The following SP6 variants were observed in gnomAD, a reference collection of about 807,000 sequenced individuals.
The protein encoded by SP6 is transcription factor Sp6.
SP6 carries 10 observed loss-of-function variants against 23.4 expected under a neutral mutation model. The observed-to-expected ratio is 0.43, with a 90% confidence interval of 0.26 to 0.72. SP6 has a LOEUF of 0.72. Ranked by LOEUF, SP6 falls within the 30% of genes least tolerant of loss-of-function variation. The pLI is 0.23. For synonymous variants in SP6, 238 were observed against 238.7 expected, an observed-to-expected ratio of 1.00 and a Z score of 0.03; for missense variants, 482 against 523.8, an observed-to-expected ratio of 0.92 and a Z score of 0.78.
At chr17:47,863,468 A>C in the SP6 span, 5 of 152,052 alleles carry the variant, frequency 3.3e-5, no homozygotes, top group Non-Finnish European at 5.9e-5. Flanking sequence ...TGAAGGAAGG[A>C]AGGGAAGAAA....
At chr17:47,849,043 A>G (rs1211321213) in intron 1 of SP6, among the ~76,000 whole-genome samples, 1 of 152,164 alleles carries the variant, frequency 6.6e-6, no homozygotes, top group Non-Finnish European at 1.5e-5. Flanking sequence ...TTCAGTAATG[A>G]AAAGCATTTC....
At chr17:47,861,889 T>C in the SP6 span, among the ~76,000 whole-genome samples, 1 of 150,664 alleles carries the variant, frequency 6.6e-6, no homozygotes, top group Non-Finnish European at 1.5e-5. Flanking sequence ...CTACAAAAAG[T>C]ACAAAAATTA....
At chr17:47,869,897 A>G in the SP6 span, among the ~76,000 whole-genome samples, 7 of 152,362 alleles carry the variant, frequency 4.6e-5, no homozygotes, top group Admixed American at 1.3e-4. Flanking sequence ...TCATAGTTCA[A>G]TAAACATTTA....
chr17:47,866,587 G>A, the SP6 span, among the ~76,000 whole-genome samples: 7 of 152,224 alleles, frequency 4.6e-5, no homozygotes, highest in Admixed American at 4.6e-4. Flanking sequence ...TTGGGGATTG[G>A]CTGCCGGACC....
At chr17:47,865,512 C>G in the SP6 span, among the ~76,000 whole-genome samples, 1 of 152,096 alleles carries the variant, frequency 6.6e-6, no homozygotes, top group Non-Finnish European at 1.5e-5. Context: ...GAAGGCTCCA[C>G]CTCCCCCCTC....
At chr17:47,853,191 C>T (rs2033974679), upstream of SP6, among the ~76,000 whole-genome samples, 1 of 152,214 alleles carries the variant, frequency 6.6e-6, no homozygotes, top group South Asian at 2.1e-4. Flanking sequence ...GATTTCTGAT[C>T]AGTCGGGGTT....
rs1197998001 is a variant in SP6, at chr17:47,846,204, A to G, written c.*1095T>C. On this transcript the variant is annotated 3_prime_UTR_variant, in exon 2 of 2. Transcript: ENST00000536300. ...AAGACAAGGGCCAAGCTAGAGAGAC[A>G]GTGGGGTTTATTTTCTTGGTGACAG... 6.6e-6 allele frequency: 1 copy of G among 152,178 alleles called. No homozygotes were observed. Among genetic ancestry groups the G allele is most frequent in the Non-Finnish European group, 1.5e-5 (1 of 68,046 alleles). The allele number at this position is 152,178 out of a possible 1,614,324, so 9.4% of individuals were successfully genotyped here. A position where few individuals can be genotyped will look rare whatever the true frequency, so the allele number is the denominator to read the frequency against.
rs906786361 is a variant in SP6, at chr17:47,848,622, A to G, written c.-57-136T>C. 1.8e-6 allele frequency: 1 copy of G among 550,666 alleles called. No individual in the cohort carries two copies. The highest frequency in any genetic ancestry group is 3.1e-5 in the East Asian group (1 of 32,048). The allele number at this position is 550,666 out of a possible 1,614,324, so 34.1% of individuals were successfully genotyped here. On this transcript the variant is annotated intron_variant, in intron 1 of 1. Coordinates refer to ENST00000536300, the MANE Select transcript of SP6 (RefSeq NM_001258248.2). The surrounding 1 kb of genome is among the most constrained non-coding windows in gnomAD (Gnocchi z 5.3). Reference sequence around the variant, plus strand: ...CGAGGACTAGAGATGAGTTTAGAGAATTCGGGAGTGCGAGGAAGGGTCCAA... The same window carrying G: ...CGAGGACTAGAGATGAGTTTAGAGAGTTCGGGAGTGCGAGGAAGGGTCCAA...
At chr17:47,860,304 T>C (rs1342578299), upstream of SP6, among the ~76,000 whole-genome samples, 3 of 152,250 alleles carry the variant, frequency 2.0e-5, no homozygotes, top group Admixed American at 6.5e-5. Context: ...CTCCAGTTTT[T>C]CAAGTTGTAC....
upstream of SP6, among the ~76,000 whole-genome samples, chr17:47,858,079 C>CG (rs538503804): frequency 4.5e-3 from 685 of 152,246 alleles, 1 homozygote; most frequent in Non-Finnish European, 7.6e-3. Flanking sequence ...CCTCTGCCCT[C>CG]GCCTCTCGGT....
chr17:47,875,338 C>T, the SP6 span, among the ~76,000 whole-genome samples: 3 of 152,196 alleles, frequency 2.0e-5, no homozygotes, highest in Non-Finnish European at 2.9e-5. Flanking sequence ...GCAGTCCCCC[C>T]CAAGGCCTCC....
At chr17:47,871,041 T>C in the SP6 span, among the ~76,000 whole-genome samples, 1 of 152,304 alleles carries the variant, frequency 6.6e-6, no homozygotes, top group South Asian at 2.1e-4. Flanking sequence ...TTCATAACCC[T>C]CGATCGAGTA....
the SP6 span, among the ~76,000 whole-genome samples, chr17:47,874,406 T>C: frequency 2.6e-5 from 4 of 152,138 alleles, no homozygotes; most frequent in Non-Finnish European, 5.9e-5. Context: ...TTCAAAATCT[T>C]CCTCAAAATT....
At chr17:47,859,700 C>A (rs547276812), upstream of SP6, among the ~76,000 whole-genome samples, 1 of 152,140 alleles carries the variant, frequency 6.6e-6, no homozygotes, top group Non-Finnish European at 1.5e-5. Flanking sequence ...AGTAAGCACA[C>A]ACAGCTTCCT....
the SP6 span, among the ~76,000 whole-genome samples, chr17:47,875,480 T>C: frequency 6.6e-6 from 1 of 152,160 alleles, no homozygotes; most frequent in African/African-American, 2.4e-5. Context: ...CCTCCAGGTC[T>C]CCATCTTCAC....
At chr17:47,859,111 C>T (rs2034018133), upstream of SP6, among the ~76,000 whole-genome samples, 1 of 152,150 alleles carries the variant, frequency 6.6e-6, no homozygotes, top group Non-Finnish European at 1.5e-5. Flanking sequence ...TTGGCACTTC[C>T]CATCTCCAAC....
the SP6 span, among the ~76,000 whole-genome samples, chr17:47,868,249 G>A: frequency 5.3e-5 from 8 of 152,268 alleles, no homozygotes; most frequent in African/African-American, 1.2e-4. Context: ...ACTCCCATTC[G>A]GGCAAGTGTG....
In SP6 at chr17:47,846,423, T is replaced by C. The variant is rs2033885711; in HGVS notation, c.*876A>G. Reference sequence around the variant, plus strand: ...TGCCTTGAAAACACACCTAGGGTAATAGATGGGGAATGTGAGACTACTGAA... The same window carrying C: ...TGCCTTGAAAACACACCTAGGGTAACAGATGGGGAATGTGAGACTACTGAA... On this transcript the variant is annotated 3_prime_UTR_variant, in exon 2 of 2. Transcript: ENST00000536300. The C allele has an allele frequency of 6.6e-6, 1 of 152,160 alleles. No homozygotes were observed. Among genetic ancestry groups the C allele is most frequent in the African/African-American group, 2.4e-5 (1 of 41,394 alleles). 9.4% of individuals were successfully genotyped at this position (152,160 alleles called of 1,614,324 possible). A position where few individuals can be genotyped will look rare whatever the true frequency, so the allele number is the denominator to read the frequency against.
At chr17:47,851,894 A>C (rs2033960858), upstream of SP6, among the ~76,000 whole-genome samples, 2 of 146,788 alleles carry the variant, frequency 1.4e-5, no homozygotes, top group African/African-American at 2.5e-5. Flanking sequence ...CTTCCCCCCT[A>C]CTCTGGTCCC....
Sources: allele counts gnomAD v4.1 joint callset (sites outside exome capture counted in the v4.1 genomes callset), GRCh38; gene constraint gnomAD v4.1.1; non-coding constraint Gnocchi (gnomAD v3.1); transcripts MANE v1.5; gene names NCBI Gene and HGNC (gene_info 2026-07-23, HGNC 2026-07-21).